The following EIF5 variants were observed in gnomAD, a reference collection of about 807,000 sequenced individuals.
The protein encoded by EIF5 is eukaryotic translation initiation factor 5.
Under a neutral mutation model 48.3 loss-of-function variants are expected in EIF5, and 10 were observed. That is an observed-to-expected ratio of 0.21 (90% confidence interval 0.13 to 0.35). The LOEUF (loss-of-function observed/expected upper bound fraction) is 0.35, where lower values mean the gene tolerates loss of function less well. EIF5 is among the 10% of genes least tolerant of loss of function. The pLI is 1.00. For missense variants in EIF5, 397 were observed against 533.2 expected, an observed-to-expected ratio of 0.74 and a Z score of 2.51; for synonymous variants, 237 against 173.1, an observed-to-expected ratio of 1.37 and a Z score of -2.90.
chr14:103,336,488 G>A lies in EIF5; in HGVS notation c.155-189G>A, dbSNP rs577966624. 3.1e-4 allele frequency: 189 copies of A among 612,816 alleles called. 1 individual carries two copies. The African/African-American group carries it at 3.3e-3, about 11-fold the overall frequency. 38.0% of individuals were successfully genotyped at this position (612,816 alleles called of 1,614,324 possible). On this transcript the variant is annotated intron_variant, in intron 4 of 11. Transcript: ENST00000216554. ...CCCAGCTACTTGGGAGGCTGAAGGG[G>A]GAGAATCGCTTGAACCCCGGAAACG...
chr14:103,344,237 T>G lies in EIF5; in HGVS notation c.*3185T>G, dbSNP rs937019150. 6.6e-5 allele frequency: 10 copies of G among 152,222 alleles called. No individual in the cohort carries two copies. The highest frequency in any genetic ancestry group is 1.9e-4 in the African/African-American group (8 of 41,446). The allele number at this position is 152,222 out of a possible 1,614,324, so 9.4% of individuals were successfully genotyped here. A position where few individuals can be genotyped will look rare whatever the true frequency, so the allele number is the denominator to read the frequency against. ...TAATAGGTTGGGAGCTCAGGGTGTT[T>G]ATGTCCACCTGTCTGGTCTAGCCAA... is the stretch of plus-strand genomic sequence containing the variant. On this transcript the variant is annotated 3_prime_UTR_variant, in exon 12 of 12. Transcript: ENST00000216554.
intron 9 of EIF5, 81 bp from the exon 10 acceptor site, chr14:103,339,558 C>G (rs746456095): frequency 5.5e-5 from 88 of 1,590,456 alleles, no homozygotes; most frequent in Non-Finnish European, 7.2e-5. Flanking sequence ...CATGCACTTG[C>G]AGACACTCTT....
chr14:103,344,473 G>A lies in EIF5; in HGVS notation c.*3421G>A, dbSNP rs1372642596. ...AGTCAATTATTTCTTTTTAAGAGGA[G>A]GAGGATTCACTTGGGTGTTGGGATC... is the stretch of plus-strand genomic sequence containing the variant. On this transcript the variant is annotated 3_prime_UTR_variant, in exon 12 of 12. Coordinates refer to ENST00000216554, the MANE Select transcript of EIF5 (RefSeq NM_001969.5). 1 of 152,214 alleles carries A rather than the reference G, an allele frequency of 6.6e-6. No individual in the cohort carries two copies. The highest frequency in any genetic ancestry group is 1.9e-4 in the East Asian group (1 of 5,204). The allele number at this position is 152,214 out of a possible 1,614,324, so 9.4% of individuals were successfully genotyped here.
rs1367440081 is a variant in EIF5 at position 103,344,081 on chromosome 14, C to A, written c.*3029C>A. The A allele has an allele frequency of 6.6e-6, 1 of 152,234 alleles. No homozygotes were observed. Among genetic ancestry groups the A allele is most frequent in the Non-Finnish European group, 1.5e-5 (1 of 68,058 alleles). 9.4% of individuals were successfully genotyped at this position (152,234 alleles called of 1,614,324 possible). A position where few individuals can be genotyped will look rare whatever the true frequency, so the allele number is the denominator to read the frequency against. On this transcript the variant is annotated 3_prime_UTR_variant, in exon 12 of 12. Coordinates refer to ENST00000216554, the MANE Select transcript of EIF5 (RefSeq NM_001969.5). ...GTGTGACCCCAAGGGGACAGGGAGT[C>A]ACTTTGGTCATCTCTGTCCCCAGTA...
At chr14:103,339,861 T>G (rs538146557) in intron 10 of EIF5, 58 bp downstream of exon 10, 2 of 1,554,286 alleles carry the variant, frequency 1.3e-6, no homozygotes, top group Admixed American at 2.0e-5. Flanking sequence ...TTTTTTTGTT[T>G]GGTTGATTGT....
intron 4 of EIF5, chr14:103,336,388 C>T (rs540128590): frequency 1.8e-4 from 105 of 567,940 alleles, no homozygotes; most frequent in Non-Finnish European, 2.9e-4. Flanking sequence ...CTAGACCAGC[C>T]TAGCCAACAT....
chr14:103,338,974 A>C, intron 8 of EIF5, 81 bp downstream of exon 8: 1 of 1,537,508 alleles, frequency 6.5e-7, no homozygotes, highest in Non-Finnish European at 8.7e-7. Flanking sequence ...TTAGCAGTGT[A>C]ATTAGGATTA....
chr14:103,334,992 C>G (rs979835407), intron 2 of EIF5: 1 of 152,222 alleles, frequency 6.6e-6, no homozygotes, highest in African/African-American at 2.4e-5. Flanking sequence ...CCCTCCTTCG[C>G]GGAGCTGCCC....
In EIF5 at chr14:103,339,415, C is replaced by T. The variant is rs116795967; in HGVS notation, c.906+82C>T. Reference sequence around the variant, plus strand: ...GGTCATATTAACCACTTTTGCTTGTCCTGTCATGCTTGAAAGTGGGGAAAT... The same window carrying T: ...GGTCATATTAACCACTTTTGCTTGTTCTGTCATGCTTGAAAGTGGGGAAAT... On this transcript the variant is annotated intron_variant, in intron 9 of 11. Transcript: ENST00000216554. The T allele has an allele frequency of 1.3e-3, 1,943 of 1,513,322 alleles. 20 individuals carry two copies. In the African/African-American group the frequency reaches 0.024, roughly 19 times the overall value. The allele number at this position is 1,513,322 out of a possible 1,614,324, so 93.7% of individuals were successfully genotyped here. A position where few individuals can be genotyped will look rare whatever the true frequency, so the allele number is the denominator to read the frequency against.
At chr14:103,339,049 C>CT in intron 8 of EIF5, 123 bp from the exon 9 acceptor site, 1 of 1,472,410 alleles carries the variant, frequency 6.8e-7, no homozygotes, top group East Asian at 2.3e-5. Context: ...ATTCCAGGCA[C>CT]TATGTGTCAC....
chr14:103,338,235 G>T, intron 6 of EIF5, 92 bp from the exon 7 acceptor site: 1 of 1,532,898 alleles, frequency 6.5e-7, no homozygotes, highest in Non-Finnish European at 8.8e-7. Context: ...GGGATCCATA[G>T]GAAAATAAGG....
Position 103,341,219 on chromosome 14 carries a change from A to G in EIF5, c.*167A>G. On this transcript the variant is annotated 3_prime_UTR_variant, in exon 12 of 12. Transcript: ENST00000216554. ...GGTCTGTTATTAAGCCCAATGAGAC[A>G]TCTAGGGAGTCCATACACATCAGTG... The G allele has an allele frequency of 1.6e-6, 1 of 610,704 alleles. No individual in the cohort carries two copies. Among genetic ancestry groups the G allele is most frequent in the Non-Finnish European group, 2.9e-6 (1 of 340,614 alleles). The allele number at this position is 610,704 out of a possible 1,614,324, so 37.8% of individuals were successfully genotyped here.
intron 2 of EIF5, 150 bp from the exon 3 acceptor site, chr14:103,335,503 A>G (rs972034637): frequency 9.8e-6 from 3 of 306,214 alleles, no homozygotes. Context: ...ACTGTGTTAC[A>G]TGAGAATGGC....
Position 103,341,634 on chromosome 14 carries a change from A to G in EIF5, c.*582A>G, listed in dbSNP as rs1274638332. 4 of 152,544 alleles carry G rather than the reference A, an allele frequency of 2.6e-5. No homozygotes were observed. The highest frequency in any genetic ancestry group is 4.4e-5 in the Non-Finnish European group (3 of 68,236). The allele number at this position is 152,544 out of a possible 1,614,324, so 9.4% of individuals were successfully genotyped here. On this transcript the variant is annotated 3_prime_UTR_variant, in exon 12 of 12. Transcript: ENST00000216554. Reference sequence around the variant, plus strand: ...AGACTGATAATGAAATGACAGTGTAACATCTTAACCAAGAAGTAAATATGA... The same window carrying G: ...AGACTGATAATGAAATGACAGTGTAGCATCTTAACCAAGAAGTAAATATGA...
chr14:103,339,691 G>T lies in EIF5; in HGVS notation c.959G>T (p.Cys320Phe). 1 of 1,614,200 alleles carries T rather than the reference G, an allele frequency of 6.2e-7. No individual in the cohort carries two copies. Among genetic ancestry groups the T allele is most frequent in the Non-Finnish European group, 8.5e-7 (1 of 1,180,040 alleles). The change falls in exon 10 of 12, where the codon TGT (cysteine) becomes TTT (phenylalanine). Residue 320 changes from cysteine to phenylalanine, a missense_variant. Coordinates refer to ENST00000216554, the MANE Select transcript of EIF5 (RefSeq NM_001969.5). ...CGGTACCTTCTTCATGGTTTGGAGT[G>T]TGTGGTAGCAATGCATCAAGCTCAG... ...AQRYLLHGLE[C>F]VVAMHQAQLI...
chr14:103,337,304 G>T (rs2089298509), intron 6 of EIF5, 77 bp downstream of exon 6: 5 of 1,295,366 alleles, frequency 3.9e-6, no homozygotes, highest in African/African-American at 1.5e-5. Flanking sequence ...AGGTTTTTTT[G>T]TAATAGGAAT....
intron 4 of EIF5, 37 bp downstream of exon 4, chr14:103,336,154 T>C (rs927284475): frequency 8.2e-6 from 13 of 1,591,620 alleles, no homozygotes; most frequent in South Asian, 6.7e-5. Context: ...GGGCATATTA[T>C]GGATAGAGTC....
intron 8 of EIF5, 29 bp downstream of exon 8, chr14:103,338,922 G>C (rs758298876): frequency 3.3e-5 from 53 of 1,607,202 alleles, no homozygotes; most frequent in Non-Finnish European, 4.0e-5. Flanking sequence ...CTGTAAATCA[G>C]CTTCAACCCA....
intron 9 of EIF5, 71 bp downstream of exon 9, chr14:103,339,404 C>T (rs1011207321): frequency 2.0e-6 from 3 of 1,528,232 alleles, no homozygotes; most frequent in African/African-American, 1.4e-5. Flanking sequence ...ATATTAACCA[C>T]TTTTGCTTGT....
Sources: allele counts gnomAD v4.1 joint callset, GRCh38; gene constraint gnomAD v4.1.1; transcripts MANE v1.5; gene names NCBI Gene and HGNC (gene_info 2026-07-23, HGNC 2026-07-21).